The following GRIK2 variants were observed in gnomAD, a reference collection of about 807,000 sequenced individuals.
The protein encoded by GRIK2 is glutamate receptor ionotropic, kainate 2.
GRIK2 carries 32 observed loss-of-function variants against 100.3 expected under a neutral mutation model. That is an observed-to-expected ratio of 0.32 (90% CI 0.24 to 0.43). GRIK2 has a LOEUF of 0.43. GRIK2 is among the 20% of genes least tolerant of loss of function. GRIK2 has a pLI of 1.00. For synonymous variants in GRIK2, 417 were observed against 389.4 expected, an observed-to-expected ratio of 1.07 and a Z score of -0.83; for missense variants, 843 against 1,114.9, an observed-to-expected ratio of 0.76 and a Z score of 3.47.
intron 7 of GRIK2, among the ~76,000 whole-genome samples, chr6:101,741,782 A>G (rs1776045106): frequency 6.6e-6 from 1 of 152,222 alleles, no homozygotes; most frequent in Non-Finnish European, 1.5e-5. Flanking sequence ...CTTGAAAATA[A>G]TCTTTATGCT....
intron 2 of GRIK2, among the ~76,000 whole-genome samples, chr6:101,538,128 T>C (rs1775804865): frequency 6.6e-6 from 1 of 151,748 alleles, no homozygotes. Context: ...GTTTGTGTTA[T>C]TACTGTAAAG....
At chr6:101,413,982 C>T (rs1856308) in intron 2 of GRIK2, among the ~76,000 whole-genome samples, 13,574 of 152,070 alleles carry the variant, frequency 0.089, 638 homozygotes, top group South Asian at 0.14. Context: ...AACTGCTTAC[C>T]CATGTGCCAG....
chr6:101,975,801 A>ATCTACCTG (rs1793333157), intron 14 of GRIK2, among the ~76,000 whole-genome samples: 1 of 101,046 alleles, frequency 9.9e-6, no homozygotes, highest in Non-Finnish European at 2.2e-5. Context: ...CTGTCTATCT[A>ATCTACCTG]TCTATCTGTC....
At chr6:101,955,714 C>T (rs1223965765) in intron 14 of GRIK2, among the ~76,000 whole-genome samples, 1 of 151,514 alleles carries the variant, frequency 6.6e-6, no homozygotes. Context: ...CACAGCTATA[C>T]ATATTATTCC....
At chr6:101,789,974 A>G (rs894749348) in intron 7 of GRIK2, among the ~76,000 whole-genome samples, 1 of 152,286 alleles carries the variant, frequency 6.6e-6, no homozygotes, top group Admixed American at 6.5e-5. Context: ...AGCAATTGTG[A>G]ATGGGAGTTC....
At chr6:101,620,777 G>A (rs564550944) in intron 2 of GRIK2, among the ~76,000 whole-genome samples, 2 of 152,230 alleles carry the variant, frequency 1.3e-5, no homozygotes, top group East Asian at 1.9e-4. Context: ...GAGGGGATTA[G>A]GAATCAGATG....
chr6:101,541,021 C>A (rs1775957541), intron 2 of GRIK2, among the ~76,000 whole-genome samples: 1 of 151,900 alleles, frequency 6.6e-6, no homozygotes, highest in South Asian at 2.1e-4. Flanking sequence ...GAAATCAAGT[C>A]TTGAGGAAAG....
At chr6:102,055,065 A>G (rs1049670349) in intron 15 of GRIK2, among the ~76,000 whole-genome samples, 1 of 152,186 alleles carries the variant, frequency 6.6e-6, no homozygotes, top group African/African-American at 2.4e-5. Flanking sequence ...CTGTTTTACA[A>G]TGCTGTAAGC....
intron 6 of GRIK2, among the ~76,000 whole-genome samples, chr6:101,684,991 CT>C (rs952988732): frequency 3.3e-5 from 5 of 152,070 alleles, no homozygotes; most frequent in African/African-American, 1.2e-4. Context: ...GACCTTCCTG[CT>C]TCTGTGTCTT....
intron 11 of GRIK2, among the ~76,000 whole-genome samples, chr6:101,885,905 T>TTGATACATTTATGATTAAAG: frequency 6.6e-6 from 1 of 152,274 alleles, no homozygotes; most frequent in Non-Finnish European, 1.5e-5. Context: ...TGATTTATTA[T>TTGATACATTTATGATTAAAG]TGATACATTT....
chr6:101,923,054 C>A (rs960794037), intron 12 of GRIK2, among the ~76,000 whole-genome samples: 1 of 152,032 alleles, frequency 6.6e-6, no homozygotes, highest in African/African-American at 2.4e-5. Context: ...ACTTAGAGAA[C>A]CAAACAAAAC....
intron 11 of GRIK2, among the ~76,000 whole-genome samples, chr6:101,872,223 C>T (rs566861127): frequency 6.6e-5 from 10 of 151,954 alleles, no homozygotes; most frequent in Admixed American, 3.3e-4. Flanking sequence ...ACCCAGTAAC[C>T]ATTTACTGTA....
At chr6:102,049,462 A>G (rs1771060941) in intron 15 of GRIK2, among the ~76,000 whole-genome samples, 1 of 152,136 alleles carries the variant, frequency 6.6e-6, no homozygotes, top group African/African-American at 2.4e-5. Flanking sequence ...AATAAGCGAG[A>G]GGGAAAAATT....
At chr6:101,733,005 A>G (rs1159168125) in intron 7 of GRIK2, among the ~76,000 whole-genome samples, 2 of 152,072 alleles carry the variant, frequency 1.3e-5, no homozygotes, top group African/African-American at 2.4e-5. Flanking sequence ...TGACTTTCCA[A>G]AGTCCCTAAC....
At chr6:101,539,313 G>A (rs998901014) in intron 2 of GRIK2, among the ~76,000 whole-genome samples, 14 of 151,588 alleles carry the variant, frequency 9.2e-5, no homozygotes, top group African/African-American at 2.7e-4. Context: ...AGACATCCCC[G>A]ATAGGAATAT....
intron 2 of GRIK2, among the ~76,000 whole-genome samples, chr6:101,406,456 T>C (rs1454188990): frequency 6.6e-6 from 1 of 152,186 alleles, no homozygotes; most frequent in Non-Finnish European, 1.5e-5. Context: ...GTCTTTTAGT[T>C]ATTTTTTCTA....
At chr6:101,760,690 A>ATT (rs1197183324) in intron 7 of GRIK2, among the ~76,000 whole-genome samples, 1,051 of 73,774 alleles carry the variant, frequency 0.014, 190 homozygotes, top group African/African-American at 0.067. Context: ...TTAATTATAT[A>ATT]TAATTATATA....
At chr6:101,720,838 T>G (rs1304829679) in intron 7 of GRIK2, among the ~76,000 whole-genome samples, 7 of 152,090 alleles carry the variant, frequency 4.6e-5, no homozygotes, top group Admixed American at 4.6e-4. Flanking sequence ...TGAAATTTTT[T>G]GTTTTCAGAA....
intron 2 of GRIK2, among the ~76,000 whole-genome samples, chr6:101,594,689 A>G (rs1778826421): frequency 6.6e-6 from 1 of 151,796 alleles, no homozygotes; most frequent in South Asian, 2.1e-4. Flanking sequence ...GCTTCTAAGT[A>G]AAATTCAGTG....
Sources: gnomAD v4.1 joint callset for allele counts (sites outside exome capture counted in the v4.1 genomes callset) on GRCh38, gnomAD v4.1.1 for gene constraint, MANE v1.5 for transcripts, NCBI Gene and HGNC (gene_info 2026-07-23, HGNC 2026-07-21) for gene names.